Variants in EPM2A observed in about 807,000 individuals in gnomAD.
EPM2A encodes laforin.
In EPM2A, 21 loss-of-function variants were observed where a neutral mutation model predicts 26.5. The ratio of observed to expected loss-of-function variants is 0.79; its 90% CI spans 0.56 to 1.14. The LOEUF is 1.14. Among genes scored for constraint, EPM2A ranks in the 50% most tolerant of loss-of-function variants. The pLI is 0.00. For synonymous variants in EPM2A, 217 were observed against 177.6 expected (o/e 1.22, Z -1.76); for missense variants, 458 against 440.8 (o/e 1.04, Z -0.35).
At chr6:145,394,999 G>A (rs1016326908) in intron 4 of EPM2A, among the ~76,000 whole-genome samples, 1 of 152,166 alleles carries the variant, frequency 6.6e-6, no homozygotes, top group Non-Finnish European at 1.5e-5. Flanking sequence ...GCTGGCCCTT[G>A]AGGGACACAA....
intron 4 of EPM2A, among the ~76,000 whole-genome samples, chr6:145,395,613 T>G (rs186919878): frequency 3.3e-5 from 5 of 152,274 alleles, no homozygotes; most frequent in Non-Finnish European, 7.4e-5. Flanking sequence ...ACTAGTCCAC[T>G]GACCTGCTAT....
chr6:145,385,654 C>T (rs1233121003), intron 4 of EPM2A, among the ~76,000 whole-genome samples: 1 of 151,998 alleles, frequency 6.6e-6, no homozygotes, highest in Admixed American at 6.6e-5. Flanking sequence ...TTTAAAAATA[C>T]CAAGGTGACG....
At position 145,641,442 on chromosome 6, in the gene EPM2A, T is replaced by C. The variant is rs1314629422; in HGVS notation, c.477-5956A>G. ...AGAAGGAGTCAACCCTGTGGACACC[T>C]TGATCTCAGACTTTCAGCCTCCAGA... is the stretch of plus-strand genomic sequence containing the variant. On this transcript the variant is annotated intron_variant, in intron 2 of 3. Transcript: ENST00000367519. 2.0e-5 allele frequency among the ~76,000 whole-genome samples: 3 copies of C among 152,172 alleles called. No homozygotes were observed. The East Asian group carries it at 5.8e-4, about 29-fold the overall frequency.
chr6:145,527,639 C>A (rs1312484749), intron 2 of EPM2A, among the ~76,000 whole-genome samples: 1 of 152,024 alleles, frequency 6.6e-6, no homozygotes, highest in Non-Finnish European at 1.5e-5. Flanking sequence ...TTTTCTCCAT[C>A]CCTCTACTTT....
chr6:145,412,620 G>T (rs1007537102), intron 4 of EPM2A, among the ~76,000 whole-genome samples: 1 of 152,070 alleles, frequency 6.6e-6, no homozygotes, highest in Middle Eastern at 3.2e-3. Flanking sequence ...TAAAGTATGG[G>T]GATCTTTTCA....
At chr6:145,538,462 T>A (rs992328045) in intron 2 of EPM2A, among the ~76,000 whole-genome samples, 1 of 152,198 alleles carries the variant, frequency 6.6e-6, no homozygotes, top group Non-Finnish European at 1.5e-5. Flanking sequence ...ACACTCTCCA[T>A]CCAATCTCTC....
intron 2 of EPM2A, among the ~76,000 whole-genome samples, chr6:145,609,308 T>G (rs1775340608): frequency 6.6e-6 from 1 of 152,200 alleles, no homozygotes; most frequent in African/African-American, 2.4e-5. Context: ...GGTCCAGGAA[T>G]GAACAAAACT....
In EPM2A at chr6:145,686,394, A is replaced by G. The variant is rs1780917304; in HGVS notation, c.302-98T>C. On this transcript the variant is annotated intron_variant, in intron 1 of 3. Coordinates refer to ENST00000367519, the MANE Select transcript of EPM2A (RefSeq NM_005670.4). The stretch of plus-strand genomic sequence containing the variant: ...ACAAAATTAATAGCAAGAAAAAAAT[A>G]AACATAAAGCTACTTAATCTACACA... 3 of 943,536 alleles carry G rather than the reference A, an allele frequency of 3.2e-6. No homozygotes were observed. The South Asian group carries it at 4.1e-5, about 13-fold the overall frequency. The allele number at this position is 943,536 out of a possible 1,614,324, so 58.4% of individuals were successfully genotyped here.
intron 2 of EPM2A, among the ~76,000 whole-genome samples, chr6:145,527,107 C>T (rs441477): frequency 0.47 from 71,388 of 151,620 alleles, 16,807 homozygotes; most frequent in South Asian, 0.6. Flanking sequence ...AGAGATCTTC[C>T]GAATATTGAT....
chr6:145,459,427 A>T (rs1285110647), intron 4 of EPM2A, among the ~76,000 whole-genome samples: 1 of 152,148 alleles, frequency 6.6e-6, no homozygotes, highest in Non-Finnish European at 1.5e-5. Context: ...ATGTAGAGAG[A>T]GGTTGTTTGT....
In EPM2A at chr6:145,563,630, A is replaced by G. The variant is rs186881000; in HGVS notation, c.341-61055T>C. ...TATCTACATACAGTCAAATAGGAAGAAGAGACAAATCAATGGAATGAATGT... is the reference window on the plus strand; with the variant it reads ...TATCTACATACAGTCAAATAGGAAGGAGAGACAAATCAATGGAATGAATGT... On this transcript the variant is annotated intron_variant, in intron 2 of 3. Coordinates refer to the EPM2A transcript ENST00000450221. 4.3e-3 allele frequency among the ~76,000 whole-genome samples: 651 copies of G among 152,282 alleles called. 5 individuals are homozygous for G. Among genetic ancestry groups the G allele is most frequent in the African/African-American group, 0.014 (562 of 41,566 alleles).
intron 2 of EPM2A, among the ~76,000 whole-genome samples, chr6:145,611,802 C>T (rs566199227): frequency 6.6e-6 from 1 of 152,128 alleles, no homozygotes; most frequent in Non-Finnish European, 1.5e-5. Context: ...TGGTTATTTA[C>T]TCCATTGATA....
At chr6:145,475,186 A>T (rs62439573) in intron 4 of EPM2A, among the ~76,000 whole-genome samples, 205 of 152,304 alleles carry the variant, frequency 1.3e-3, no homozygotes, top group South Asian at 7.3e-3. Flanking sequence ...TTTTTGCAGC[A>T]CTGTTCAAAA....
At chr6:145,416,175 T>C (rs1778705515) in intron 4 of EPM2A, among the ~76,000 whole-genome samples, 1 of 152,056 alleles carries the variant, frequency 6.6e-6, no homozygotes, top group Non-Finnish European at 1.5e-5. Context: ...AGTTGTTACT[T>C]TCTTTCTAAA....
intron 4 of EPM2A, among the ~76,000 whole-genome samples, chr6:145,450,222 G>A (rs1476010574): frequency 1.3e-5 from 2 of 151,526 alleles, no homozygotes; most frequent in East Asian, 2.0e-4. Context: ...GCGTGGTGGC[G>A]GGTGCCTGTA....
intron 4 of EPM2A, among the ~76,000 whole-genome samples, chr6:145,387,894 G>C (rs557228100): frequency 1.5e-3 from 227 of 152,080 alleles, no homozygotes; most frequent in African/African-American, 4.9e-3. Context: ...GATGCGGGAA[G>C]GGTGGTTTTC....
chr6:145,578,008 A>C (rs1310344496), intron 2 of EPM2A, among the ~76,000 whole-genome samples: 1 of 152,118 alleles, frequency 6.6e-6, no homozygotes, highest in Non-Finnish European at 1.5e-5. Flanking sequence ...ATCAAATGAC[A>C]ATGGAAACAC....
At chr6:145,422,057 G>GTATA (rs67264730) in intron 4 of EPM2A, among the ~76,000 whole-genome samples, 5,082 of 131,586 alleles carry the variant, frequency 0.039, 135 homozygotes, top group Admixed American at 0.054. Flanking sequence ...ATATATGAGT[G>GTATA]TATATATATA....
intron 1 of EPM2A, among the ~76,000 whole-genome samples, chr6:145,695,294 A>ATTATATATTAT (rs1437080093): frequency 2.0e-4 from 30 of 152,150 alleles, no homozygotes; most frequent in Admixed American, 1.8e-3. Context: ...ACCCTATTAT[A>ATTATATATTAT]CTTCCACAAA....
Sources: allele counts gnomAD v4.1 joint callset (sites outside exome capture counted in the v4.1 genomes callset), GRCh38; gene constraint gnomAD v4.1.1; transcripts MANE v1.5; gene names NCBI Gene and HGNC (gene_info 2026-07-23, HGNC 2026-07-21).